The following SMCO1 variants were observed in gnomAD, a reference collection of about 807,000 sequenced individuals.
The protein encoded by SMCO1 is single-pass membrane and coiled-coil domain-containing protein 1.
In SMCO1, 9 loss-of-function variants were observed where a neutral mutation model predicts 7.5. That is an observed-to-expected ratio of 1.20 (90% CI 0.72 to 2.09). SMCO1 has a LOEUF of 2.09. Ranked by LOEUF, SMCO1 falls within the 30% of genes most tolerant of loss-of-function variation. The pLI, the probability that SMCO1 is intolerant of heterozygous loss-of-function variation, is 0.00. For missense variants in SMCO1, 219 were observed against 253.1 expected, an observed-to-expected ratio of 0.87 and a Z score of 0.91; for synonymous variants, 90 against 93.8, an observed-to-expected ratio of 0.96 and a Z score of 0.23.
At chr3:196,517,665 A>T (rs149895747), upstream of SMCO1, among the ~76,000 whole-genome samples, 19 of 150,294 alleles carry the variant, frequency 1.3e-4, no homozygotes, top group African/African-American at 4.6e-4. Context: ...TGTTCATCTG[A>T]ATTCTATTTA....
rs1293472024 is a variant in SMCO1 at position 196,508,022 on chromosome 3, A to C, written c.510T>G (p.Thr170=). The C allele has an allele frequency of 1.9e-6, 3 of 1,614,128 alleles. No homozygotes were observed. Among genetic ancestry groups the C allele is most frequent in the Non-Finnish European group, 2.5e-6 (3 of 1,180,010 alleles). Residue 170 remains threonine (T), a synonymous_variant, in exon 3 of 3, where the codon ACT becomes ACG. Coordinates refer to ENST00000397537, the MANE Select transcript of SMCO1 (RefSeq NM_001077657.3). ...GCAGAGCCTGGTTCTTTACCATGTT[A>C]GTAATTAGGAACGTGACATCCCTGA... ...MYIRDVTFLI[T]NMVKNQALQD...
rs1160547461 is a variant in SMCO1 at position 196,507,499 on chromosome 3, C to G, written c.*388G>C. Reference sequence around the variant, plus strand: ...ACTTCCTCTTGTCTTTGACCCCTAGCCTCTTAGCTTTCTTTCCTGACAACT... The same window carrying G: ...ACTTCCTCTTGTCTTTGACCCCTAGGCTCTTAGCTTTCTTTCCTGACAACT... On this transcript the variant is annotated 3_prime_UTR_variant, in exon 3 of 3. Transcript: ENST00000397537. 1 of 152,312 alleles carries G rather than the reference C, an allele frequency of 6.6e-6. No individual in the cohort carries two copies. The highest frequency in any genetic ancestry group is 1.9e-4 in the East Asian group (1 of 5,210). The allele number at this position is 152,312 out of a possible 1,614,324, so 9.4% of individuals were successfully genotyped here. A position where few individuals can be genotyped will look rare whatever the true frequency, so the allele number is the denominator to read the frequency against.
At chr3:196,517,685 C>T (rs1275866645), upstream of SMCO1, among the ~76,000 whole-genome samples, 1 of 151,730 alleles carries the variant, frequency 6.6e-6, no homozygotes, top group Non-Finnish European at 1.5e-5. Flanking sequence ...ATTTTATTTT[C>T]TTGAGATGGA....
chr3:196,519,296 T>C (rs778355882), upstream of SMCO1, among the ~76,000 whole-genome samples: 1 of 152,230 alleles, frequency 6.6e-6, no homozygotes, highest in Non-Finnish European at 1.5e-5. Context: ...GGTCACTCGC[T>C]ACTAGTCCTC....
chr3:196,518,751 T>C (rs141820894), upstream of SMCO1, among the ~76,000 whole-genome samples: 15 of 152,342 alleles, frequency 9.8e-5, no homozygotes, highest in East Asian at 2.3e-3. Context: ...GCTCTTGGTC[T>C]CCATTTTAAA....
At chr3:196,516,020 T>G (rs1328705171), upstream of SMCO1, among the ~76,000 whole-genome samples, 83 of 117,864 alleles carry the variant, frequency 7.0e-4, no homozygotes, top group African/African-American at 2.6e-3. Flanking sequence ...TATATATATA[T>G]ATATATATAT....
upstream of SMCO1, among the ~76,000 whole-genome samples, chr3:196,517,399 C>T (rs1733413711): frequency 6.6e-6 from 1 of 152,094 alleles, no homozygotes; most frequent in South Asian, 2.1e-4. Flanking sequence ...CACCCACCAA[C>T]CTCTAGGAAA....
At chr3:196,514,450 C>T (rs974360929) in intron 1 of SMCO1, among the ~76,000 whole-genome samples, 17 of 152,162 alleles carry the variant, frequency 1.1e-4, no homozygotes, top group Non-Finnish European at 1.9e-4. Flanking sequence ...TGAAGAGTTC[C>T]TTTTTCTAGT....
chr3:196,510,967 C>T (rs1034706698), intron 1 of SMCO1, among the ~76,000 whole-genome samples: 1 of 152,234 alleles, frequency 6.6e-6, no homozygotes. Context: ...CAGCCATGAT[C>T]ATCAGAGGCT....
At chr3:196,514,760 T>C (rs1304852083) in intron 1 of SMCO1, among the ~76,000 whole-genome samples, 1 of 152,224 alleles carries the variant, frequency 6.6e-6, no homozygotes. Flanking sequence ...AATTCTTTTT[T>C]TGGACGGAGT....
In SMCO1 at chr3:196,507,929, T is replaced by C. The variant is rs1733091577; in HGVS notation, c.603A>G (p.Gln201=). ...KGKAVRTPEK[Q]KSSLEELIPS... is the part of the protein sequence containing the mutation. ...GTATCAACTCTTCGAGGGATGACTT[T>C]TGCTTTTCAGGGGTCCTAACTGCTT... The change falls in exon 3 of 3, where the codon CAA becomes CAG. Residue 201 remains glutamine (Q), a synonymous_variant. Transcript: ENST00000397537. 2 of 1,614,014 alleles carry C rather than the reference T, an allele frequency of 1.2e-6. No individual in the cohort carries two copies. The highest frequency in any genetic ancestry group is 1.7e-6 in the Non-Finnish European group (2 of 1,179,948).
chr3:196,515,827 T>C (rs1314576849), upstream of SMCO1, among the ~76,000 whole-genome samples: 1 of 150,834 alleles, frequency 6.6e-6, no homozygotes, highest in Non-Finnish European at 1.5e-5. Context: ...AGAGCGAGAC[T>C]GTCTCCACAA....
At chr3:196,516,618 T>C (rs888357699), upstream of SMCO1, among the ~76,000 whole-genome samples, 34 of 152,224 alleles carry the variant, frequency 2.2e-4, no homozygotes, top group African/African-American at 7.7e-4. Flanking sequence ...ATTAATTGAA[T>C]GTATAAAACC....
chr3:196,515,091 A>C (rs1733351286), intron 1 of SMCO1, 69 bp downstream of exon 1: 1 of 1,561,678 alleles, frequency 6.4e-7, no homozygotes, highest in African/African-American at 1.4e-5. Context: ...TCTATTCTTC[A>C]TTCTTCTCTT....
chr3:196,511,230 C>T (rs1733218539), intron 1 of SMCO1, among the ~76,000 whole-genome samples: 1 of 139,802 alleles, frequency 7.2e-6, no homozygotes, highest in Non-Finnish European at 1.5e-5. Context: ...TTGCCTGAGC[C>T]ACCTAGATTG....
chr3:196,515,798 CA>C (rs1733368120), upstream of SMCO1, among the ~76,000 whole-genome samples: 1 of 151,112 alleles, frequency 6.6e-6, no homozygotes, highest in African/African-American at 2.4e-5. Flanking sequence ...CCCAGGAATT[CA>C]AGACCAGCCT....
At chr3:196,512,760 G>A (rs112545883) in intron 1 of SMCO1, among the ~76,000 whole-genome samples, 11,315 of 151,718 alleles carry the variant, frequency 0.075, 1,435 homozygotes, top group African/African-American at 0.26. Flanking sequence ...CGCCCACCTC[G>A]GCCTCCCAAA....
chr3:196,519,471 A>C (rs571208302), upstream of SMCO1, among the ~76,000 whole-genome samples: 21 of 152,324 alleles, frequency 1.4e-4, 1 homozygote, highest in South Asian at 4.1e-3. Flanking sequence ...ATTAGGAGTA[A>C]AATGTCCTCT....
upstream of SMCO1, among the ~76,000 whole-genome samples, chr3:196,516,039 AT>A (rs1156315936): frequency 4.8e-4 from 52 of 107,906 alleles, 1 homozygote; most frequent in African/African-American, 2.0e-3. Context: ...ATAATTATAT[AT>A]AAAATTATAC....
Sources: allele counts gnomAD v4.1 joint callset (sites outside exome capture counted in the v4.1 genomes callset), GRCh38; gene constraint gnomAD v4.1.1; transcripts MANE v1.5; gene names NCBI Gene and HGNC (gene_info 2026-07-23, HGNC 2026-07-21).